NRBP2: variants seen among roughly 807,000 people sequenced by gnomAD.
The protein encoded by NRBP2 is nuclear receptor binding protein 2.
Under a neutral mutation model 74.4 loss-of-function variants are expected in NRBP2, and 47 were observed. The ratio of observed to expected loss-of-function variants is 0.63; its 90% CI spans 0.50 to 0.81. The LOEUF (loss-of-function observed/expected upper bound fraction) is 0.81. Among genes scored for constraint, NRBP2 ranks in the 30% least tolerant of loss-of-function variants. NRBP2 has a pLI of 0.00. For missense variants in NRBP2, 613 were observed against 690.1 expected (o/e 0.89, Z 1.25); for synonymous variants, 312 against 273.8 (o/e 1.14, Z -1.38).
intron 14 of NRBP2, 51 bp downstream of exon 14, chr8:143,836,988 G>C: frequency 6.3e-7 from 1 of 1,575,858 alleles, no homozygotes. Context: ...CTCTTATCTG[G>C]CTGTTAGAAG....
rs1335316022 is a variant in NRBP2, at chr8:143,835,978, T to TCGTA, written c.1366_1369dup (p.Asp457ValfsTer122). The TCGTA allele has an allele frequency of 6.3e-7, 1 of 1,586,468 alleles. No individual in the cohort carries two copies. The highest frequency in any genetic ancestry group is 1.4e-5 in the African/African-American group (1 of 73,660). On this transcript the variant is annotated frameshift_variant, in exon 16 of 18. Coordinates refer to ENST00000442628, the MANE Select transcript of NRBP2 (RefSeq NM_178564.4). LOFTEE classifies it high-confidence loss of function. This position sits in a 1 kb window ranked among gnomAD's most constrained non-coding sequence, Gnocchi z 4.9. Reference sequence around the variant, plus strand: ...CCTGCCCAGCCTACTTGGGAGCAGGTCGTAGGTCAGCTGCCGGTGCAGCCG... The same window carrying TCGTA: ...CCTGCCCAGCCTACTTGGGAGCAGGTCGTACGTAGGTCAGCTGCCGGTGCAGCCG...
At position 143,835,374 on chromosome 8, in the gene NRBP2, C is replaced by G; in HGVS notation, c.*288G>C. 1.9e-6 allele frequency: 1 copy of G among 534,640 alleles called. No homozygotes were observed. The highest frequency in any genetic ancestry group is 3.3e-6 in the Non-Finnish European group (1 of 299,380). The allele number at this position is 534,640 out of a possible 1,614,324, so 33.1% of individuals were successfully genotyped here. ...GAGGCAGTGGCCCCGGCCAGGCAGC[C>G]TGGGTAGGAACTCAGGGCGGAGAAT... On this transcript the variant is annotated 3_prime_UTR_variant, in exon 18 of 18. Coordinates refer to ENST00000442628, the MANE Select transcript of NRBP2 (RefSeq NM_178564.4). This position sits in a 1 kb window ranked among gnomAD's most constrained non-coding sequence, Gnocchi z 4.9.
Position 143,840,018 on chromosome 8 carries a change from T to C in NRBP2, c.265A>G (p.Thr89Ala). The change falls in exon 3 of 18, where the codon ACC becomes GCC. Residue 89 changes from threonine (T) to alanine (A), a missense_variant. Physicochemically the swap from Thr to Ala is moderately conservative, Grantham distance 58. Transcript: ENST00000442628. The surrounding 1 kb of genome is among the most constrained non-coding windows in gnomAD (Gnocchi z 5.7). The stretch of plus-strand genomic sequence containing the variant: ...ACCAGCACCAGCTGCTCGAACACGG[T>C]CTGGATCTTCTCCTGGGGAGGGAGG... ...AFAAHEEKIQ[T>A]VFEQLVLVDH... 1 of 1,536,166 alleles carries C rather than the reference T, an allele frequency of 6.5e-7. No homozygotes were observed. Among genetic ancestry groups the C allele is most frequent in the Non-Finnish European group, 8.7e-7 (1 of 1,146,906 alleles).
chr8:143,839,668 C>T lies in NRBP2; in HGVS notation c.444+68G>A. On this transcript the variant is annotated intron_variant, in intron 4 of 17. Coordinates refer to ENST00000442628, the MANE Select transcript of NRBP2 (RefSeq NM_178564.4). The surrounding 1 kb of genome is among the most constrained non-coding windows in gnomAD (Gnocchi z 5.1). Reference sequence around the variant, plus strand: ...CCGAGGCCGCCGGGCACCCCCTCACCATCCCAGTCCCCGAGGCTGCCCCAA... The same window carrying T: ...CCGAGGCCGCCGGGCACCCCCTCACTATCCCAGTCCCCGAGGCTGCCCCAA... 1.3e-6 allele frequency: 2 copies of T among 1,526,256 alleles called. No homozygotes were observed. The highest frequency in any genetic ancestry group is 4.0e-5 in the Admixed American group (2 of 50,444). The allele number at this position is 1,526,256 out of a possible 1,614,324, so 94.5% of individuals were successfully genotyped here.
At chr8:143,836,777 A>G (rs1402223009) in intron 14 of NRBP2, among the ~76,000 whole-genome samples, 1 of 151,612 alleles carries the variant, frequency 6.6e-6, no homozygotes, top group Non-Finnish European at 1.5e-5. Context: ...TGGAGGAAGG[A>G]TGCTTGGAGT....
At chr8:143,831,635 AACTC>A (rs1276384099), downstream of NRBP2, among the ~76,000 whole-genome samples, 1 of 152,158 alleles carries the variant, frequency 6.6e-6, no homozygotes, top group Non-Finnish European at 1.5e-5. Context: ...AAACAACAAA[AACTC>A]AACAGAAGTC....
chr8:143,833,284 A>T (rs1048698591), downstream of NRBP2: 1 of 152,238 alleles, frequency 6.6e-6, no homozygotes, highest in African/African-American at 2.4e-5. Context: ...CAAACCAAAA[A>T]AAAGGCAATT....
intron 14 of NRBP2, 106 bp from the exon 15 acceptor site, chr8:143,836,286 C>G (rs1258170368): frequency 3.6e-6 from 5 of 1,395,570 alleles, no homozygotes; most frequent in Admixed American, 6.7e-5. Context: ...GGGGGAATCT[C>G]TAAGAGGAGC....
rs1818493690 is a variant in NRBP2, at chr8:143,837,832, C to T, written c.841-77G>A. On this transcript the variant is annotated intron_variant, in intron 10 of 17. Transcript: ENST00000442628. The surrounding 1 kb of genome is among the most constrained non-coding windows in gnomAD (Gnocchi z 4.3). ...CCCCGCAGTTCGAGGAGAGGTGGCC[C>T]CTGAGTTCCCCATGTCCCTCCTCAG... 1 of 1,518,900 alleles carries T rather than the reference C, an allele frequency of 6.6e-7. No individual in the cohort carries two copies. The highest frequency in any genetic ancestry group is 1.4e-5 in the African/African-American group (1 of 72,570). The allele number at this position is 1,518,900 out of a possible 1,614,324, so 94.1% of individuals were successfully genotyped here. A position where few individuals can be genotyped will look rare whatever the true frequency, so the allele number is the denominator to read the frequency against.
In NRBP2 at chr8:143,837,283, A is replaced by C. The variant is rs782186926; in HGVS notation, c.1093T>G (p.Phe365Val). The change falls in exon 13 of 18, where the codon TTC becomes GTC. Residue 365 changes from phenylalanine to valine, a missense_variant. Transcript: ENST00000442628. The surrounding 1 kb of genome is among the most constrained non-coding windows in gnomAD (Gnocchi z 4.3). ...PLQWRYSEVS[F>V]MELDKFLEDV... ...TCCAGGAATTTGTCCAGCTCCATGA[A>C]GGAGACTTCCGAGTACCTGGCATGG... The C allele has an allele frequency of 6.2e-7, 1 of 1,608,388 alleles. No homozygotes were observed. Among genetic ancestry groups the C allele is most frequent in the Non-Finnish European group, 8.5e-7 (1 of 1,178,206 alleles).
rs1818243068 is a variant in NRBP2 at position 143,833,651 on chromosome 8, A to G, written c.*2011T>C. The G allele has an allele frequency of 6.6e-6, 1 of 152,192 alleles. No individual in the cohort carries two copies. Among genetic ancestry groups the G allele is most frequent in the South Asian group, 2.1e-4 (1 of 4,834 alleles). 9.4% of individuals were successfully genotyped at this position (152,192 alleles called of 1,614,324 possible). On this transcript the variant is annotated 3_prime_UTR_variant, in exon 18 of 18. Transcript: ENST00000442628. ...TTGGCCTCAAAAAAAAAACTATTCT[A>G]CTTTAAAAACAATACATATATAATT... is the stretch of plus-strand genomic sequence containing the variant.
rs1554651694 is a variant in NRBP2, at chr8:143,836,138, C to T, written c.1306G>A (p.Ala436Thr). Residue 436 changes from alanine to threonine, a missense_variant, in exon 15 of 18, where the codon GCG (alanine) becomes ACG (threonine). This residue lies in a region of NRBP2 where 281 missense variants were observed against 260.9 expected (regional missense o/e 1.08). Coordinates refer to ENST00000442628, the MANE Select transcript of NRBP2 (RefSeq NM_178564.4). Reference protein sequence around the residue: ...QCNLERSEDKARWHLTLLLVL... With the variant: ...QCNLERSEDKTRWHLTLLLVL... Reference sequence around the variant, plus strand: ...CAGGCCCCGCTCACATGCCAGCGCGCCTTGTCCTCGCTTCTCTCCAGGTTG... The same window carrying T: ...CAGGCCCCGCTCACATGCCAGCGCGTCTTGTCCTCGCTTCTCTCCAGGTTG... 6.3e-7 allele frequency: 1 copy of T among 1,599,890 alleles called. No individual in the cohort carries two copies. The highest frequency in any genetic ancestry group is 1.7e-5 in the Admixed American group (1 of 57,392).
In NRBP2 at chr8:143,839,083, G is replaced by A. The variant is rs936530567; in HGVS notation, c.622C>T (p.Arg208Ter). ...IFSNALPDDLRSPIRAEREEL... is the reference protein window; with the variant it reads ...IFSNALPDDL ...TCTCGCTCAGCGCGGATGGGGCTTCGGAGATCATCTGGAAGTGCTGTGGGA... is the reference window on the plus strand; with the variant it reads ...TCTCGCTCAGCGCGGATGGGGCTTCAGAGATCATCTGGAAGTGCTGTGGGA... Residue 208 changes from arginine (R) to a stop codon, truncating the protein, a stop_gained, in exon 8 of 18, where the codon CGA (arginine) becomes TGA (stop). Coordinates refer to ENST00000442628, the MANE Select transcript of NRBP2 (RefSeq NM_178564.4). LOFTEE classifies it high-confidence loss of function. This position sits in a 1 kb window ranked among gnomAD's most constrained non-coding sequence, Gnocchi z 5.1. 2.0e-5 allele frequency: 30 copies of A among 1,527,436 alleles called. No individual in the cohort carries two copies. The highest frequency in any genetic ancestry group is 2.5e-5 in the Non-Finnish European group (29 of 1,140,674). 94.6% of individuals were successfully genotyped at this position (1,527,436 alleles called of 1,614,324 possible).
downstream of NRBP2, among the ~76,000 whole-genome samples, chr8:143,832,470 G>A (rs1329330491): frequency 6.6e-6 from 1 of 152,190 alleles, no homozygotes; most frequent in East Asian, 1.9e-4. Context: ...GTTGAGACAA[G>A]AGGAAGGCAT....
In NRBP2 at chr8:143,835,778, G is replaced by T; in HGVS notation, c.1437+42C>A. 2 of 1,602,350 alleles carry T rather than the reference G, an allele frequency of 1.2e-6. No individual in the cohort carries two copies. Among genetic ancestry groups the T allele is most frequent in the Non-Finnish European group, 1.7e-6 (2 of 1,174,490 alleles). Reference sequence around the variant, plus strand: ...GGGACGGAGGGGCGCGGCCTGCCCCGTGCGCCCCCTCCGCCAGGCCGCGCC... The same window carrying T: ...GGGACGGAGGGGCGCGGCCTGCCCCTTGCGCCCCCTCCGCCAGGCCGCGCC... On this transcript the variant is annotated intron_variant, in intron 17 of 17. Coordinates refer to ENST00000442628, the MANE Select transcript of NRBP2 (RefSeq NM_178564.4). This position sits in a 1 kb window ranked among gnomAD's most constrained non-coding sequence, Gnocchi z 4.9.
Position 143,837,514 on chromosome 8 carries a change from G to A in NRBP2, c.974-5C>T, listed in dbSNP as rs73715511. ...CCACATTCTCAGGCATGAGGTCTGC[G>A]GCCACAAGAGCATCAAGGCGGTGTG... On this transcript the variant is annotated splice_polypyrimidine_tract_variant and splice_region_variant and intron_variant, in intron 11 of 17. Coordinates refer to ENST00000442628, the MANE Select transcript of NRBP2 (RefSeq NM_178564.4). This position sits in a 1 kb window ranked among gnomAD's most constrained non-coding sequence, Gnocchi z 4.3. The A allele has an allele frequency of 4.6e-3, 7,417 of 1,607,390 alleles. 67 individuals carry two copies. Among genetic ancestry groups the A allele is most frequent in the African/African-American group, 0.029 (2,155 of 74,936 alleles).
chr8:143,836,978 C>A, intron 14 of NRBP2, 61 bp downstream of exon 14: 1 of 1,562,024 alleles, frequency 6.4e-7, no homozygotes, highest in South Asian at 1.2e-5. Flanking sequence ...GGAGGGGCAC[C>A]TCTTATCTGG....
chr8:143,830,216 C>A (rs1334428864), downstream of NRBP2, among the ~76,000 whole-genome samples: 1 of 152,262 alleles, frequency 6.6e-6, no homozygotes, highest in Admixed American at 6.5e-5. Flanking sequence ...TAAAGACAAA[C>A]CCTGCAAGGG....
In NRBP2 at chr8:143,840,107, C is replaced by G; in HGVS notation, c.252G>C (p.Glu84Asp). The G allele has an allele frequency of 1.3e-6, 2 of 1,536,136 alleles. No homozygotes were observed. Among genetic ancestry groups the G allele is most frequent in the Non-Finnish European group, 1.7e-6 (2 of 1,146,904 alleles). ...GATGAGGAGGGGGCAGCGGTCTCAC[C>G]TCGTGCGCCGCGAAGGCCTTCCTGT... ...FGDRKAFAAH[E>D]EKIQTVFEQL... Residue 84 changes from glutamate to aspartate, a missense_variant and splice_region_variant, in exon 2 of 18, where the codon GAG becomes GAC. By Grantham distance (45) the Glu-to-Asp change is conservative. Around this residue, in one of 2 missense-constraint regions of NRBP2, gnomAD observed 332 missense variants for 429.2 expected, o/e 0.77. Transcript: ENST00000442628. This position sits in a 1 kb window ranked among gnomAD's most constrained non-coding sequence, Gnocchi z 5.7.
Sources: allele counts gnomAD v4.1 joint callset (sites outside exome capture counted in the v4.1 genomes callset), GRCh38; gene constraint gnomAD v4.1.1; regional missense constraint gnomAD v4.1.1; non-coding constraint Gnocchi (gnomAD v3.1); transcripts MANE v1.5; gene names NCBI Gene and HGNC (gene_info 2026-07-23, HGNC 2026-07-21).